TRIOBP: variants seen among roughly 807,000 people sequenced by gnomAD.
TRIOBP encodes TRIO and F-actin-binding protein.
A neutral mutation model predicts 238.8 loss-of-function variants in TRIOBP; 169 were observed. That is an observed-to-expected ratio of 0.71 (90% CI 0.62 to 0.80). TRIOBP has a LOEUF of 0.80. TRIOBP is among the 30% of genes least tolerant of loss of function. TRIOBP has a pLI of 0.00. For missense variants in TRIOBP, 2,838 were observed against 3,122.6 expected (o/e 0.91, Z 2.17); for synonymous variants, 1,150 against 1,274.4 (o/e 0.90, Z 2.08).
At chr22:37,701,224 G>A in intron 2 of TRIOBP, 82 bp from the exon 3 acceptor site, 1 of 692,332 alleles carries the variant, frequency 1.4e-6, no homozygotes, top group Non-Finnish European at 2.6e-6. Context: ...GTCCTTGTCT[G>A]GAAACTGGGG....
Position 37,723,656 on chromosome 22 carries a change from C to A in TRIOBP, c.1100C>A (p.Ser367Tyr), listed in dbSNP as rs775385586. The change falls in exon 7 of 24, where the codon TCT becomes TAT. Residue 367 changes from serine to tyrosine, a missense_variant. This residue lies in a region of TRIOBP where 535 missense variants were observed against 537.3 expected (regional missense o/e 1.00). Coordinates refer to ENST00000644935, the MANE Select transcript of TRIOBP (RefSeq NM_001039141.3). Reference protein sequence around the residue: ...SSTQQDNPQTSFPTCTPQREN... With the variant: ...SSTQQDNPQTYFPTCTPQREN... ...ACCCAGCAGGACAACCCCCAAACTT[C>A]TTTTCCTACTTGTACTCCCCAGCGG... is the stretch of plus-strand genomic sequence containing the variant. 6.2e-7 allele frequency: 1 copy of A among 1,614,170 alleles called. No individual in the cohort carries two copies. The highest frequency in any genetic ancestry group is 8.5e-7 in the Non-Finnish European group (1 of 1,180,018).
At chr22:37,708,172 G>A (rs2145816812) in intron 3 of TRIOBP, among the ~76,000 whole-genome samples, 1 of 151,378 alleles carries the variant, frequency 6.6e-6, no homozygotes, top group African/African-American at 2.4e-5. Context: ...CATGAACCCG[G>A]GAGGCGGAGC....
chr22:37,733,317 G>T lies in TRIOBP; in HGVS notation c.3967G>T (p.Ala1323Ser), dbSNP rs780288515. 7.1e-6 allele frequency: 11 copies of T among 1,550,890 alleles called. No individual in the cohort carries two copies. The East Asian group carries it at 7.3e-5, about 10-fold the overall frequency. Reference sequence around the variant, plus strand: ...TCATAGGAAGTCCGAGGCAGCGGGGGCCTTCCAGGCCCAGGACGAGGGACG... The same window carrying T: ...TCATAGGAAGTCCGAGGCAGCGGGGTCCTTCCAGGCCCAGGACGAGGGACG... ...QERRKSEAAG[A>S]FQAQDEGRSQ... is the part of the protein sequence containing the mutation. Residue 1323 changes from alanine to serine, a missense_variant, in exon 8 of 24, where the codon GCC becomes TCC. Ala to Ser is a moderately conservative substitution (Grantham distance 99). Coordinates refer to ENST00000644935, the MANE Select transcript of TRIOBP (RefSeq NM_001039141.3).
At chr22:37,739,491 C>T (rs1295616807) in intron 10 of TRIOBP, among the ~76,000 whole-genome samples, 4 of 152,192 alleles carry the variant, frequency 2.6e-5, no homozygotes, top group African/African-American at 7.2e-5. Flanking sequence ...CTGCCCAAAC[C>T]CTCACTGTGC....
Position 37,723,140 on chromosome 22 carries a change from C to T in TRIOBP, c.629-45C>T. 5.0e-6 allele frequency: 8 copies of T among 1,603,236 alleles called. 1 individual carries two copies. The highest frequency in any genetic ancestry group is 6.8e-6 in the Non-Finnish European group (8 of 1,171,488). On this transcript the variant is annotated intron_variant, in intron 6 of 23. Coordinates refer to ENST00000644935, the MANE Select transcript of TRIOBP (RefSeq NM_001039141.3). ...AAAGAAAGGTAGAATATGAGAGCTG[C>T]CTGGACCTCTCCCCTTACCTTGAGC...
intron 6 of TRIOBP, among the ~76,000 whole-genome samples, chr22:37,719,981 T>C (rs1255160998): frequency 7.4e-6 from 1 of 135,340 alleles, no homozygotes; most frequent in Non-Finnish European, 1.6e-5. Context: ...ACTCACTGTT[T>C]CACTCATCCC....
intron 17 of TRIOBP, 34 bp downstream of exon 17, chr22:37,759,298 G>C (rs993507005): frequency 8.1e-6 from 13 of 1,595,822 alleles, no homozygotes; most frequent in Middle Eastern, 1.7e-4. Flanking sequence ...AGGGGGAGGG[G>C]GCAGATTTCT....
chr22:37,769,388 A>G lies in TRIOBP; in HGVS notation c.6849+13A>G. On this transcript the variant is annotated intron_variant, in intron 21 of 23. Transcript: ENST00000644935. ...CTGCGAGCTAGAGGTGAGTGTCCTC[A>G]CTAGCACCAGGCAGCCCAGTGGTTC... 1 of 1,586,004 alleles carries G rather than the reference A, an allele frequency of 6.3e-7. No individual in the cohort carries two copies. Among genetic ancestry groups the G allele is most frequent in the Non-Finnish European group, 8.6e-7 (1 of 1,169,294 alleles).
chr22:37,760,624 A>G (rs553509279), intron 17 of TRIOBP, among the ~76,000 whole-genome samples: 1 of 152,364 alleles, frequency 6.6e-6, no homozygotes, highest in Non-Finnish European at 1.5e-5. Flanking sequence ...ACTACATCAC[A>G]GAATTACTAA....
chr22:37,704,884 C>T (rs955334413), intron 3 of TRIOBP, among the ~76,000 whole-genome samples: 1 of 135,834 alleles, frequency 7.4e-6, no homozygotes, highest in African/African-American at 2.8e-5. Context: ...CTGGGCAGCA[C>T]AGTGAGACCC....
At position 37,723,313 on chromosome 22, in the gene TRIOBP, C is replaced by G. The variant is rs778529950; in HGVS notation, c.757C>G (p.Arg253Gly). 6 of 1,614,082 alleles carry G rather than the reference C, an allele frequency of 3.7e-6. No individual in the cohort carries two copies. The South Asian group carries it at 4.4e-5, about 12-fold the overall frequency. The part of the protein sequence containing the change: ...ASSMTPHSGP[R>G]STTSQASPAQ... ...CTCCATGACACCACACAGTGGACCT[C>G]GAAGCACCACGTCTCAGGCTTCTCC... Residue 253 changes from arginine (R) to glycine (G), a missense_variant, in exon 7 of 24, where the codon CGA becomes GGA. Around this residue, in one of 5 missense-constraint regions of TRIOBP, gnomAD observed 535 missense variants for 537.3 expected, o/e 1.00. Transcript: ENST00000644935.
intron 12 of TRIOBP, among the ~76,000 whole-genome samples, chr22:37,753,586 C>T (rs1309892633): frequency 2.6e-5 from 4 of 152,220 alleles, no homozygotes; most frequent in African/African-American, 4.8e-5. Context: ...GCTATAGGGA[C>T]TTCTTAGTAG....
At chr22:37,771,428 C>T (rs574622018) in intron 21 of TRIOBP, among the ~76,000 whole-genome samples, 241 of 152,232 alleles carry the variant, frequency 1.6e-3, no homozygotes, top group African/African-American at 5.6e-3. Context: ...CGTGAGATAT[C>T]CACTCACACG....
chr22:37,723,158 C>T (rs762572784), intron 6 of TRIOBP, 27 bp from the exon 7 acceptor site: 2 of 1,612,820 alleles, frequency 1.2e-6, no homozygotes, highest in African/African-American at 1.3e-5. Flanking sequence ...TCTCCCCTTA[C>T]CTTGAGCCCC....
At chr22:37,763,334 G>A (rs984538264) in intron 17 of TRIOBP, among the ~76,000 whole-genome samples, 2 of 152,194 alleles carry the variant, frequency 1.3e-5, no homozygotes, top group Non-Finnish European at 2.9e-5. Context: ...GCGCAGCCAG[G>A]GTGAAGACCG....
In TRIOBP at chr22:37,776,442, A is replaced by C. The variant is rs1196706745; in HGVS notation, c.*2662A>C. 1 of 152,244 alleles carries C rather than the reference A, an allele frequency of 6.6e-6. No individual in the cohort carries two copies. The highest frequency in any genetic ancestry group is 1.5e-5 in the Non-Finnish European group (1 of 68,048). 9.4% of individuals were successfully genotyped at this position (152,244 alleles called of 1,614,324 possible). On this transcript the variant is annotated 3_prime_UTR_variant, in exon 24 of 24. Coordinates refer to ENST00000644935, the MANE Select transcript of TRIOBP (RefSeq NM_001039141.3). ...CATTTCCACTCTTGCTTACACATCCAGGAGAAATGAGTCCTTACATGCACA... is the reference window on the plus strand; with the variant it reads ...CATTTCCACTCTTGCTTACACATCCCGGAGAAATGAGTCCTTACATGCACA...
Position 37,757,704 on chromosome 22 carries a change from G to A in TRIOBP, c.5779G>A (p.Val1927Ile), listed in dbSNP as rs1410379690. 6.3e-7 allele frequency: 1 copy of A among 1,582,438 alleles called. No homozygotes were observed. The highest frequency in any genetic ancestry group is 8.6e-7 in the Non-Finnish European group (1 of 1,165,518). The change falls in exon 16 of 24, where the codon GTC becomes ATC. Residue 1927 changes from valine (V) to isoleucine (I), a missense_variant. By Grantham distance (29) the Val-to-Ile change is conservative. Coordinates refer to ENST00000644935, the MANE Select transcript of TRIOBP (RefSeq NM_001039141.3). Reference sequence around the variant, plus strand: ...AGGGGAGCAGCGGGCGGGCTCTGAGGTCATCAGCCGGGGTGGCCCTCGGAA... The same window carrying A: ...AGGGGAGCAGCGGGCGGGCTCTGAGATCATCAGCCGGGGTGGCCCTCGGAA... ...KAGEQRAGSE[V>I]ISRGGPRKAD...
intron 3 of TRIOBP, among the ~76,000 whole-genome samples, chr22:37,702,100 C>CA (rs1404913680): frequency 6.6e-6 from 1 of 151,506 alleles, no homozygotes; most frequent in East Asian, 1.9e-4. Flanking sequence ...GAAACTGTCT[C>CA]AAAAAACAAA....
intron 11 of TRIOBP, among the ~76,000 whole-genome samples, chr22:37,747,900 A>G (rs1925367436): frequency 6.6e-6 from 1 of 152,142 alleles, no homozygotes; most frequent in Non-Finnish European, 1.5e-5. Context: ...TGGGGGCAGC[A>G]CGTGCTGAGC....
Sources: gnomAD v4.1 joint callset for allele counts (sites outside exome capture counted in the v4.1 genomes callset) on GRCh38, gnomAD v4.1.1 for gene constraint, gnomAD v4.1.1 regional missense constraint, MANE v1.5 for transcripts, NCBI Gene and HGNC (gene_info 2026-07-23, HGNC 2026-07-21) for gene names.